The following LDHB variants were observed in gnomAD, a reference collection of about 807,000 sequenced individuals.
The protein encoded by LDHB is L-lactate dehydrogenase B chain.
In LDHB, 18 loss-of-function variants were observed where a neutral mutation model predicts 33.4. That is an observed-to-expected ratio of 0.54 (90% CI 0.37 to 0.80). The LOEUF is 0.80. LDHB is among the 30% of genes least tolerant of loss of function. The pLI, the probability that LDHB is intolerant of heterozygous loss-of-function variation, is 0.00. For synonymous variants in LDHB, 121 were observed against 140.6 expected, an observed-to-expected ratio of 0.86 and a Z score of 0.98; for missense variants, 345 against 407.9, an observed-to-expected ratio of 0.85 and a Z score of 1.33.
chr12:21,645,030 G>C (rs1938481977), intron 3 of LDHB, among the ~76,000 whole-genome samples: 1 of 152,106 alleles, frequency 6.6e-6, no homozygotes, highest in Non-Finnish European at 1.5e-5. Flanking sequence ...TCTGTACTAA[G>C]AAAAATTCTT....
intron 1 of LDHB, among the ~76,000 whole-genome samples, chr12:21,655,208 G>C (rs555210341): frequency 4.6e-5 from 7 of 152,318 alleles, no homozygotes; most frequent in Non-Finnish European, 1.0e-4. Context: ...ATTAGAATTG[G>C]ATTTCTTCCT....
intron 4 of LDHB, among the ~76,000 whole-genome samples, chr12:21,642,822 T>A (rs1938409466): frequency 6.6e-6 from 1 of 152,120 alleles, no homozygotes; most frequent in Non-Finnish European, 1.5e-5. Flanking sequence ...CCCACACTAA[T>A]CTGTAGACAA....
intron 5 of LDHB, among the ~76,000 whole-genome samples, chr12:21,638,932 TA>T (rs1258426367): frequency 7.2e-5 from 11 of 151,978 alleles, no homozygotes; most frequent in Admixed American, 5.2e-4. Flanking sequence ...GTAAAAATTA[TA>T]AATAAGGGTC....
chr12:21,644,736 G>A (rs1218639946), intron 3 of LDHB, among the ~76,000 whole-genome samples: 2 of 152,082 alleles, frequency 1.3e-5, no homozygotes, highest in African/African-American at 2.4e-5. Flanking sequence ...GTTACAGTGC[G>A]GCTTTTGATG....
Position 21,644,033 on chromosome 12 carries a change from A to G in LDHB, c.323T>C (p.Leu108Pro). Residue 108 changes from leucine (L) to proline (P), a missense_variant, in exon 4 of 8, where the codon CTC becomes CCC. Coordinates refer to ENST00000350669, the MANE Select transcript of LDHB (RefSeq NM_002300.8). Reference protein sequence around the residue: ...GVRQQEGESRLNLVQRNVNVF... With the variant: ...GVRQQEGESRPNLVQRNVNVF... ...ATTAACATTTCTCTGCACCAGATTGAGCCGACTCTCCCCTTCTTGCTGACG... is the reference window on the plus strand; with the variant it reads ...ATTAACATTTCTCTGCACCAGATTGGGCCGACTCTCCCCTTCTTGCTGACG... 1 of 1,612,584 alleles carries G rather than the reference A, an allele frequency of 6.2e-7. No individual in the cohort carries two copies. The highest frequency in any genetic ancestry group is 8.5e-7 in the Non-Finnish European group (1 of 1,178,600).
intron 3 of LDHB, among the ~76,000 whole-genome samples, chr12:21,645,398 G>C (rs936078131): frequency 6.6e-6 from 1 of 152,132 alleles, no homozygotes; most frequent in Non-Finnish European, 1.5e-5. Context: ...GGTCTGTGCC[G>C]AGGAGGATTA....
At chr12:21,638,609 G>A in intron 5 of LDHB, 139 bp from the exon 6 acceptor site, 5 of 655,832 alleles carry the variant, frequency 7.6e-6, no homozygotes, top group Non-Finnish European at 1.3e-5. Context: ...TGACTCTCCA[G>A]TAGATTCCAG....
At chr12:21,644,434 A>AACAC (rs1555165031) in intron 3 of LDHB, among the ~76,000 whole-genome samples, 4 of 104,512 alleles carry the variant, frequency 3.8e-5, no homozygotes, top group South Asian at 3.3e-4. Context: ...CAAAAAAAAA[A>AACAC]AAAAAAAAAA....
At chr12:21,640,057 G>A (rs1443747299) in intron 5 of LDHB, among the ~76,000 whole-genome samples, 1 of 151,612 alleles carries the variant, frequency 6.6e-6, no homozygotes, top group African/African-American at 2.4e-5. Flanking sequence ...TTACACAGGT[G>A]GCAGAAATGA....
chr12:21,654,325 T>C, intron 2 of LDHB: 2 of 556,954 alleles, frequency 3.6e-6, no homozygotes, highest in Non-Finnish European at 6.4e-6. Context: ...TTAAATTCTC[T>C]AAGTGTAGTA....
intron 1 of LDHB, 139 bp from the exon 2 acceptor site, chr12:21,654,816 T>C: frequency 2.6e-6 from 2 of 774,888 alleles, no homozygotes; most frequent in Non-Finnish European, 4.4e-6. Flanking sequence ...GAAAGCAGAA[T>C]ATATTTTAAA....
At chr12:21,646,680 A>G (rs1938535561) in intron 3 of LDHB, among the ~76,000 whole-genome samples, 1 of 152,226 alleles carries the variant, frequency 6.6e-6, no homozygotes, top group Non-Finnish European at 1.5e-5. Context: ...AAATGAGGAA[A>G]AAGAGGGAAA....
Position 21,657,159 on chromosome 12 carries a change from G to A in LDHB, c.-7+592C>T, listed in dbSNP as rs184207085. On this transcript the variant is annotated intron_variant, in intron 1 of 7. Coordinates refer to ENST00000350669, the MANE Select transcript of LDHB (RefSeq NM_002300.8). ...AGCACCCAAGGCTGGTAAAGTAAAC[G>A]AAGCCCCTAAGCATCCAGAAAAGAG... The A allele has an allele frequency of 3.9e-5, 6 of 152,256 alleles. No homozygotes were observed. The East Asian group carries it at 1.2e-3, about 30-fold the overall frequency. 9.4% of individuals were successfully genotyped at this position (152,256 alleles called of 1,614,324 possible).
At chr12:21,635,742 A>G in intron 7 of LDHB, 33 bp from the exon 8 acceptor site, 2 of 1,600,520 alleles carry the variant, frequency 1.2e-6, no homozygotes, top group Non-Finnish European at 1.7e-6. Context: ...AGATTAAGAC[A>G]TGAAACTGTA....
intron 1 of LDHB, among the ~76,000 whole-genome samples, chr12:21,656,383 T>G (rs1317188105): frequency 6.6e-6 from 1 of 152,170 alleles, no homozygotes; most frequent in South Asian, 2.1e-4. Flanking sequence ...TAAAATGAAA[T>G]AAATTCAGAC....
In LDHB at chr12:21,644,435, A is replaced by AAAC. The variant is rs1555165023; in HGVS notation, c.248-328_248-327insGTT. Among the ~76,000 whole-genome samples the AAAC allele has an allele frequency of 0.033, 152 of 4,620 alleles. 6 individuals carry two copies. In the East Asian group the frequency reaches 0.4, roughly 12 times the overall value. 3.0% of individuals were successfully genotyped at this position (4,620 alleles called of 152,430 possible). A position where few individuals can be genotyped will look rare whatever the true frequency, so the allele number is the denominator to read the frequency against. On this transcript the variant is annotated intron_variant, in intron 3 of 7. Transcript: ENST00000350669. ...CAATAGGTAGACATCAAAAAAAAAAAAAAAAAAAAACAAAAACAAAAACCA... is the reference window on the plus strand; with the variant it reads ...CAATAGGTAGACATCAAAAAAAAAAAAACAAAAAAAAAACAAAAACAAAAACCA...
intron 2 of LDHB, among the ~76,000 whole-genome samples, chr12:21,653,591 T>A (rs562622682): frequency 6.6e-6 from 1 of 152,208 alleles, no homozygotes; most frequent in East Asian, 1.9e-4. Flanking sequence ...GTCATGGACA[T>A]CTATGTATTT....
intron 2 of LDHB, among the ~76,000 whole-genome samples, chr12:21,653,385 G>A (rs530031134): frequency 3.3e-5 from 5 of 152,142 alleles, no homozygotes; most frequent in Non-Finnish European, 7.3e-5. Flanking sequence ...AATGCCTGAT[G>A]ATCTGAACTG....
chr12:21,643,259 G>A (rs1489403129), intron 4 of LDHB, among the ~76,000 whole-genome samples: 1 of 152,190 alleles, frequency 6.6e-6, no homozygotes, highest in Non-Finnish European at 1.5e-5. Flanking sequence ...TTTTCTCAAT[G>A]TACCTGCTAT....
Sources: allele counts gnomAD v4.1 joint callset (sites outside exome capture counted in the v4.1 genomes callset), GRCh38; gene constraint gnomAD v4.1.1; transcripts MANE v1.5; gene names NCBI Gene and HGNC (gene_info 2026-07-23, HGNC 2026-07-21).